The following DNAAF10 variants were observed in gnomAD, a reference collection of about 807,000 sequenced individuals.
DNAAF10 encodes WD repeat domain 92.
In DNAAF10, 28 loss-of-function variants were observed where a neutral mutation model predicts 43.7. That is an observed-to-expected ratio of 0.64 (90% CI 0.48 to 0.88). The LOEUF (loss-of-function observed/expected upper bound fraction) is 0.88. Among genes scored for constraint, DNAAF10 ranks in the 40% least tolerant of loss-of-function variants. The pLI is 0.00. For synonymous variants in DNAAF10, 156 were observed against 157.3 expected (o/e 0.99, Z 0.06); for missense variants, 403 against 439.1 (o/e 0.92, Z 0.73).
chr2:68,157,171 G>A, intron 1 of DNAAF10, 90 bp downstream of exon 1: 2 of 1,493,004 alleles, frequency 1.3e-6, no homozygotes, highest in Middle Eastern at 2.0e-4. Context: ...TTTGGGGGAC[G>A]CTGGGCGAAG....
At chr2:68,144,919 T>C (rs1673280157) in intron 2 of DNAAF10, among the ~76,000 whole-genome samples, 1 of 152,192 alleles carries the variant, frequency 6.6e-6, no homozygotes, top group South Asian at 2.1e-4. Flanking sequence ...CTGTCATCAT[T>C]CAACTTGAAA....
chr2:68,150,501 G>A (rs1361424463), intron 1 of DNAAF10, among the ~76,000 whole-genome samples: 2 of 152,196 alleles, frequency 1.3e-5, no homozygotes, highest in East Asian at 3.9e-4. Context: ...GGGAGGCTGA[G>A]GCAGGCGGAT....
intron 7 of DNAAF10, 41 bp from the exon 8 acceptor site, chr2:68,131,486 G>C: frequency 6.3e-7 from 1 of 1,591,898 alleles, no homozygotes; most frequent in South Asian, 1.1e-5. Flanking sequence ...ATAAATCTTA[G>C]CTTTCACCAT....
chr2:68,131,016 C>T lies in DNAAF10; in HGVS notation c.*222G>A, dbSNP rs957291271. 4 of 379,144 alleles carry T rather than the reference C, an allele frequency of 1.1e-5. No individual in the cohort carries two copies. The highest frequency in any genetic ancestry group is 3.7e-5 in the Admixed American group (1 of 27,352). 23.5% of individuals were successfully genotyped at this position (379,144 alleles called of 1,614,324 possible). A position where few individuals can be genotyped will look rare whatever the true frequency, so the allele number is the denominator to read the frequency against. ...CTGCAACCTCCGCCTCCCGGGTTCA[C>T]GCCATTCTCCTGCCTCAGCCTCCCA... On this transcript the variant is annotated 3_prime_UTR_variant, in exon 8 of 8. Transcript: ENST00000295121.
chr2:68,138,941 T>A, intron 4 of DNAAF10, 84 bp from the exon 5 acceptor site: 1 of 918,002 alleles, frequency 1.1e-6, no homozygotes, highest in East Asian at 2.4e-5. Flanking sequence ...GAAACTAACA[T>A]AAAACTTATA....
At chr2:68,134,526 G>A (rs1672991187) in intron 7 of DNAAF10, 176 bp downstream of exon 7, 2 of 1,459,332 alleles carry the variant, frequency 1.4e-6, no homozygotes, top group Non-Finnish European at 1.8e-6. Context: ...TCTACTAAGT[G>A]TAAAGTATAT....
chr2:68,155,574 A>C (rs1357184819), intron 1 of DNAAF10, among the ~76,000 whole-genome samples: 2 of 151,834 alleles, frequency 1.3e-5, no homozygotes, highest in African/African-American at 4.8e-5. Flanking sequence ...CTCACACCTG[A>C]TCCAGCACTT....
chr2:68,138,093 T>A (rs902936949), intron 5 of DNAAF10, among the ~76,000 whole-genome samples: 1 of 151,500 alleles, frequency 6.6e-6, no homozygotes, highest in African/African-American at 2.4e-5. Context: ...GAGAATGGCA[T>A]GAACCTGGGA....
At position 68,131,067 on chromosome 2, in the gene DNAAF10, C is replaced by T; in HGVS notation, c.*171G>A. ...AGTAGCTAGGACTACAGATGCCCGC[C>T]ATGACACCCAGCAAATTTTTTTTTA... is the stretch of plus-strand genomic sequence containing the variant. On this transcript the variant is annotated 3_prime_UTR_variant, in exon 8 of 8. Transcript: ENST00000295121. 1.8e-6 allele frequency: 1 copy of T among 551,572 alleles called. No homozygotes were observed. The highest frequency in any genetic ancestry group is 3.1e-6 in the Non-Finnish European group (1 of 321,758). 34.2% of individuals were successfully genotyped at this position (551,572 alleles called of 1,614,324 possible).
intron 1 of DNAAF10, among the ~76,000 whole-genome samples, chr2:68,148,923 A>C (rs1673389716): frequency 6.6e-6 from 1 of 152,192 alleles, no homozygotes; most frequent in African/African-American, 2.4e-5. Context: ...GTTTCAATAC[A>C]AGGCAGATCA....
intron 6 of DNAAF10, among the ~76,000 whole-genome samples, chr2:68,136,426 T>C (rs1293186896): frequency 2.6e-5 from 4 of 152,146 alleles, no homozygotes; most frequent in Admixed American, 6.5e-5. Context: ...AGAATTTGGT[T>C]TTCATAAGGA....
Position 68,141,677 on chromosome 2 carries a change from A to T in DNAAF10, c.517+17T>A. Reference sequence around the variant, plus strand: ...ACCATCTGATAATTCAAATGCAAGAATTCTTCAATAATTTACCAAATGCCA... The same window carrying T: ...ACCATCTGATAATTCAAATGCAAGATTTCTTCAATAATTTACCAAATGCCA... On this transcript the variant is annotated intron_variant, in intron 4 of 7. Transcript: ENST00000295121. The T allele has an allele frequency of 6.2e-7, 1 of 1,607,406 alleles. No individual in the cohort carries two copies. Among genetic ancestry groups the T allele is most frequent in the Non-Finnish European group, 8.5e-7 (1 of 1,176,094 alleles).
At chr2:68,156,376 T>A (rs953230522) in intron 1 of DNAAF10, among the ~76,000 whole-genome samples, 3 of 152,304 alleles carry the variant, frequency 2.0e-5, no homozygotes, top group Admixed American at 1.3e-4. Flanking sequence ...GCACTTGTAG[T>A]CTATTACAAC....
chr2:68,133,527 T>C (rs1024448125), intron 7 of DNAAF10, among the ~76,000 whole-genome samples: 1 of 152,050 alleles, frequency 6.6e-6, no homozygotes. Context: ...CCGAGGCAGG[T>C]GAATCACCTG....
At chr2:68,137,793 G>A (rs1298669755) in intron 5 of DNAAF10, among the ~76,000 whole-genome samples, 1 of 151,622 alleles carries the variant, frequency 6.6e-6, no homozygotes, top group African/African-American at 2.4e-5. Context: ...CTTGAACCCG[G>A]GAGGCAGAGG....
At position 68,137,283 on chromosome 2, in the gene DNAAF10, T is replaced by C. The variant is rs1397658576; in HGVS notation, c.768+16A>G. On this transcript the variant is annotated intron_variant, in intron 6 of 7. Coordinates refer to ENST00000295121, the MANE Select transcript of DNAAF10 (RefSeq NM_138458.4). ...TATCATTCTTCTTCATAGAAAGACA[T>C]TTCCCTCATATTTACCTTTTCTGAA... 6.2e-7 allele frequency: 1 copy of C among 1,602,760 alleles called. No homozygotes were observed. The highest frequency in any genetic ancestry group is 1.3e-5 in the African/African-American group (1 of 74,342).
Position 68,141,724 on chromosome 2 carries a change from T to G in DNAAF10, c.487A>C (p.Asn163His), listed in dbSNP as rs147799650. The change falls in exon 4 of 8, where the codon AAC becomes CAC. Residue 163 changes from asparagine to histidine, a missense_variant. Physicochemically the swap from Asn to His is moderately conservative, Grantham distance 68 (BLOSUM62 1). Coordinates refer to ENST00000295121, the MANE Select transcript of DNAAF10 (RefSeq NM_138458.4). ...GCCACAGTCCAACAGTCTCTCTTGTTTTCTCCTTGTACAGGTTCCATATTA... is the reference window on the plus strand; with the variant it reads ...GCCACAGTCCAACAGTCTCTCTTGTGTTCTCCTTGTACAGGTTCCATATTA... ...VANMEPVQGE[N>H]KRDCWTVAFG... 6.2e-7 allele frequency: 1 copy of G among 1,614,150 alleles called. No homozygotes were observed. The highest frequency in any genetic ancestry group is 1.1e-5 in the South Asian group (1 of 91,060).
rs769593748 is a variant in DNAAF10, at chr2:68,139,803, CA to C, written c.518-947del. Among the ~76,000 whole-genome samples, 764 of 118,242 alleles carry C rather than the reference CA, an allele frequency of 6.5e-3. 5 individuals are homozygous for C. Among genetic ancestry groups the C allele is most frequent in the Middle Eastern group, 0.017 (4 of 236 alleles). 77.6% of individuals were successfully genotyped at this position (118,242 alleles called of 152,430 possible). A position where few individuals can be genotyped will look rare whatever the true frequency, so the allele number is the denominator to read the frequency against. On this transcript the variant is annotated intron_variant, in intron 4 of 7. Transcript: ENST00000295121. ...TGGGCAACAAAGCGAGACTCTGTCT[CA>C]AAAAAAAAAAAAGAAAAGAAAATGC...
intron 3 of DNAAF10, 88 bp downstream of exon 3, chr2:68,144,497 G>C (rs1295686135): frequency 6.5e-7 from 1 of 1,531,368 alleles, no homozygotes; most frequent in African/African-American, 1.4e-5. Flanking sequence ...GGTGACTGAA[G>C]GGGATTTTTT....
Sources: allele counts gnomAD v4.1 joint callset (sites outside exome capture counted in the v4.1 genomes callset), GRCh38; gene constraint gnomAD v4.1.1; transcripts MANE v1.5; gene names NCBI Gene and HGNC (gene_info 2026-07-23, HGNC 2026-07-21).